NAV3: variants seen among roughly 807,000 people sequenced by gnomAD.
NAV3 encodes pore membrane and/or filament interacting like protein 1.
A neutral mutation model predicts 244.7 loss-of-function variants in NAV3; 87 were observed. That is an observed-to-expected ratio of 0.36 (90% CI 0.30 to 0.42). The LOEUF is 0.42. Ranked by LOEUF, NAV3 falls within the 20% of genes least tolerant of loss-of-function variation. NAV3 has a pLI of 1.00. For synonymous variants in NAV3, 1,126 were observed against 1,042.2 expected (o/e 1.08, Z -1.55); for missense variants, 2,663 against 2,893.3 (o/e 0.92, Z 1.83).
chr12:77,782,451 G>A (rs1301200623), intron 2 of NAV3, among the ~76,000 whole-genome samples: 2 of 151,984 alleles, frequency 1.3e-5, no homozygotes, highest in African/African-American at 4.8e-5. Context: ...AGTTAGAAAA[G>A]CTTATGATTC....
intron 12 of NAV3, among the ~76,000 whole-genome samples, chr12:78,077,274 A>G (rs376142849): frequency 6.6e-6 from 1 of 152,228 alleles, no homozygotes; most frequent in South Asian, 2.1e-4. Context: ...CAATAACTAA[A>G]TTAAGTTGGA....
intron 2 of NAV3, among the ~76,000 whole-genome samples, chr12:77,655,977 C>CA (rs1873080130): frequency 7.0e-6 from 1 of 143,412 alleles, no homozygotes; most frequent in Non-Finnish European, 1.5e-5. Context: ...TGGAAAGGAA[C>CA]AAACAGTACC....
intron 2 of NAV3, among the ~76,000 whole-genome samples, chr12:77,727,697 A>T (rs1053047957): frequency 6.6e-6 from 1 of 151,960 alleles, no homozygotes; most frequent in Non-Finnish European, 1.5e-5. Flanking sequence ...ACACTTATTA[A>T]ATCAACGAGT....
rs1280862123 is a variant in NAV3, at chr12:78,007,546, A to G, written c.1907+101A>G. On this transcript the variant is annotated intron_variant, in intron 8 of 39. Transcript: ENST00000397909. ...TGATAAAGTGGTGCTTTATGTCGTC[A>G]TTTTGGAGTAAAGTTTCATGCTAAA... is the stretch of plus-strand genomic sequence containing the variant. 10 of 1,272,334 alleles carry G rather than the reference A, an allele frequency of 7.9e-6. No individual in the cohort carries two copies. The South Asian group carries it at 1.4e-4, about 18-fold the overall frequency. The allele number at this position is 1,272,334 out of a possible 1,614,324, so 78.8% of individuals were successfully genotyped here.
rs756315235 is a variant in NAV3, at chr12:78,137,343, A to C, written c.4608A>C (p.Ser1536=). The change falls in exon 19 of 40, where the codon TCA becomes TCC. Residue 1536 remains serine, a synonymous_variant. Coordinates refer to ENST00000397909, the MANE Select transcript of NAV3 (RefSeq NM_001024383.2). The part of the protein sequence containing the change: ...ERPRAISHSG[S]FRDSMEEVHG... ...CTCGTGCCATCAGTCATTCGGGCTC[A>C]TTCAGAGACAGCATGGAAGAAGGTA... 3.7e-6 allele frequency: 6 copies of C among 1,612,304 alleles called. No homozygotes were observed. The highest frequency in any genetic ancestry group is 1.3e-5 in the African/African-American group (1 of 74,984).
At chr12:77,689,672 A>T (rs1435912029) in intron 2 of NAV3, among the ~76,000 whole-genome samples, 1 of 151,918 alleles carries the variant, frequency 6.6e-6, no homozygotes, top group Non-Finnish European at 1.5e-5. Flanking sequence ...AATTATAAGG[A>T]ACCTAAACTG....
chr12:77,631,528 C>T (rs1381401050), intron 2 of NAV3, among the ~76,000 whole-genome samples: 1 of 150,676 alleles, frequency 6.6e-6, no homozygotes, highest in African/African-American at 2.4e-5. Context: ...TGGCTGACAA[C>T]ATGCTATAGA....
chr12:77,755,619 T>C (rs868542822), intron 2 of NAV3, among the ~76,000 whole-genome samples: 3,103 of 45,072 alleles, frequency 0.069, 601 homozygotes, highest in Non-Finnish European at 0.086. Flanking sequence ...CCCTCCTTCC[T>C]TCCTTCCTTC....
At chr12:77,985,798 G>C (rs1378260489) in intron 5 of NAV3, among the ~76,000 whole-genome samples, 2 of 151,876 alleles carry the variant, frequency 1.3e-5, no homozygotes, top group Non-Finnish European at 1.5e-5. Flanking sequence ...CTGTGCCTCT[G>C]TCTTCATTCA....
chr12:77,629,988 G>T (rs553245084), intron 2 of NAV3, among the ~76,000 whole-genome samples: 3 of 152,308 alleles, frequency 2.0e-5, no homozygotes, highest in African/African-American at 7.2e-5. Context: ...AGGAGTCTGT[G>T]TTGGGGTCAA....
At chr12:77,905,914 C>G (rs756659151) in intron 1 of NAV3, among the ~76,000 whole-genome samples, 3 of 152,138 alleles carry the variant, frequency 2.0e-5, no homozygotes, top group Non-Finnish European at 4.4e-5. Flanking sequence ...CCTGCCAACT[C>G]CCATCACTTT....
chr12:77,628,347 G>A lies in NAV3; in HGVS notation c.72+56081G>A, dbSNP rs184580776. 2.7e-4 allele frequency among the ~76,000 whole-genome samples: 41 copies of A among 152,142 alleles called. No homozygotes were observed. In the East Asian group the frequency reaches 6.6e-3, roughly 24 times the overall value. On this transcript the variant is annotated intron_variant, in intron 2 of 8. Transcript: ENST00000550042. The stretch of plus-strand genomic sequence containing the variant: ...AAAGAGATGGTTTCAGAAGCAAGAG[G>A]CTTCAATAACCCATGAACTAAAGAA...
Position 78,198,631 on chromosome 12 carries a change from A to T in NAV3, c.6473A>T (p.Gln2158Leu), listed in dbSNP as rs773737064. 8.9e-6 allele frequency: 14 copies of T among 1,566,466 alleles called. No homozygotes were observed. In the South Asian group the frequency reaches 1.5e-4, roughly 16 times the overall value. ...KCPYIIGTMN[Q>L]GVSSSPNLEL... Reference sequence around the variant, plus strand: ...CCATATATTATTGGAACAATGAATCAGGGAGTTTCTTCATCACCAAATCTA... The same window carrying T: ...CCATATATTATTGGAACAATGAATCTGGGAGTTTCTTCATCACCAAATCTA... Residue 2158 changes from glutamine (Q) to leucine (L), a missense_variant, in exon 36 of 40, where the codon CAG becomes CTG. Coordinates refer to ENST00000397909, the MANE Select transcript of NAV3 (RefSeq NM_001024383.2).
intron 34 of NAV3, among the ~76,000 whole-genome samples, chr12:78,195,919 T>C (rs1462839081): frequency 2.6e-5 from 4 of 152,042 alleles, no homozygotes; most frequent in Non-Finnish European, 5.9e-5. Flanking sequence ...TTAGTCCTCA[T>C]GTCCGGAAAA....
chr12:78,039,144 A>G (rs1593354525), intron 9 of NAV3, among the ~76,000 whole-genome samples: 1 of 152,292 alleles, frequency 6.6e-6, no homozygotes, highest in African/African-American at 2.4e-5. Flanking sequence ...ATGAATAATC[A>G]TATCTCCAGA....
chr12:77,667,496 TG>T (rs1468865911), intron 2 of NAV3, among the ~76,000 whole-genome samples: 1 of 152,004 alleles, frequency 6.6e-6, no homozygotes, highest in African/African-American at 2.4e-5. Flanking sequence ...CCCACTTCCC[TG>T]GGGACCTGTA....
rs1565879719 is a variant in NAV3, at chr12:77,874,641, T to TTA, written c.243+42937_243+42938insTA. ...AAAAAAATCTAATTTCACTCTATAT[T>TTA]GTCTTATTAGTGAATGTGTGTAAAG... On this transcript the variant is annotated intron_variant, in intron 1 of 39. Coordinates refer to ENST00000397909, the MANE Select transcript of NAV3 (RefSeq NM_001024383.2). Among the ~76,000 whole-genome samples, 11 of 152,280 alleles carry TTA rather than the reference T, an allele frequency of 7.2e-5. No homozygotes were observed. The South Asian group carries it at 2.1e-3, about 29-fold the overall frequency.
At chr12:78,021,981 A>G in intron 9 of NAV3, 119 bp downstream of exon 9, 1 of 461,800 alleles carries the variant, frequency 2.2e-6, no homozygotes, top group Non-Finnish European at 3.8e-6. Flanking sequence ...GACTATATAC[A>G]TCTCATGCTT....
chr12:78,017,038 C>T (rs993198327), intron 8 of NAV3, among the ~76,000 whole-genome samples: 2 of 151,970 alleles, frequency 1.3e-5, no homozygotes, highest in Admixed American at 6.6e-5. Flanking sequence ...TTACAGGTAG[C>T]CAGATTCAAG....
Sources: allele counts gnomAD v4.1 joint callset (sites outside exome capture counted in the v4.1 genomes callset), GRCh38; gene constraint gnomAD v4.1.1; transcripts MANE v1.5; gene names NCBI Gene and HGNC (gene_info 2026-07-23, HGNC 2026-07-21).